The following MORC2 variants were observed in gnomAD, a reference collection of about 807,000 sequenced individuals.
MORC2 encodes the protein ATPase MORC2.
Under a neutral mutation model 136.0 loss-of-function variants are expected in MORC2, and 30 were observed. The observed-to-expected ratio is 0.22, with a 90% confidence interval of 0.17 to 0.30. MORC2 has a LOEUF of 0.30. Among genes scored for constraint, MORC2 ranks in the 10% least tolerant of loss-of-function variants. MORC2 has a pLI of 1.00. For missense variants in MORC2, 922 were observed against 1,333.1 expected (o/e 0.69, Z 4.80); for synonymous variants, 439 against 487.0 (o/e 0.90, Z 1.30).
At chr22:30,954,187 C>T (rs757226548) in intron 3 of MORC2, among the ~76,000 whole-genome samples, 6 of 151,988 alleles carry the variant, frequency 3.9e-5, no homozygotes, top group South Asian at 2.1e-4. Context: ...CTCAGCTGCT[C>T]GGGAGGCTGA....
At chr22:30,967,285 C>A in intron 1 of MORC2, 1 of 986,332 alleles carries the variant, frequency 1.0e-6, no homozygotes, top group Non-Finnish European at 1.2e-6. Context: ...AACAAGTTGC[C>A]GTTTCCTGTT....
chr22:30,942,186 A>G lies in MORC2; in HGVS notation c.512T>C (p.Leu171Pro). ...NVEKFAIETELIYKYSPFRTE... is the reference protein window; with the variant it reads ...NVEKFAIETEPIYKYSPFRTE... ...GCGGAATGGAGAGTACTTATAGATGAGTTCTGTCTCAATGGCAAATTTCTC... is the reference window on the plus strand; with the variant it reads ...GCGGAATGGAGAGTACTTATAGATGGGTTCTGTCTCAATGGCAAATTTCTC... Residue 171 changes from leucine (L) to proline (P), a missense_variant, in exon 7 of 26, where the codon CTC becomes CCC. Around this residue, in one of 9 missense-constraint regions of MORC2, gnomAD observed 261 missense variants for 354.3 expected, o/e 0.74. Coordinates refer to ENST00000397641, the MANE Select transcript of MORC2 (RefSeq NM_001303256.3). 1 of 1,614,152 alleles carries G rather than the reference A, an allele frequency of 6.2e-7. No homozygotes were observed. The highest frequency in any genetic ancestry group is 8.5e-7 in the Non-Finnish European group (1 of 1,179,988).
At chr22:30,936,188 T>C (rs1319918153) in intron 17 of MORC2, among the ~76,000 whole-genome samples, 2 of 152,166 alleles carry the variant, frequency 1.3e-5, no homozygotes, top group Non-Finnish European at 2.9e-5. Context: ...TCATGACAAG[T>C]TGGAAGGATG....
At chr22:30,928,304 A>C in intron 24 of MORC2, 97 bp from the exon 25 acceptor site, 1 of 1,210,142 alleles carries the variant, frequency 8.3e-7, no homozygotes, top group Non-Finnish European at 1.2e-6. Flanking sequence ...GCTTTACCCA[A>C]GGATGCCTGG....
rs568871593 is a variant in MORC2, at chr22:30,933,450, C to G, written c.2380+16G>C. The G allele has an allele frequency of 2.5e-6, 4 of 1,613,436 alleles. No individual in the cohort carries two copies. In the Admixed American group the frequency reaches 6.7e-5, roughly 27 times the overall value. On this transcript the variant is annotated intron_variant, in intron 21 of 25. Transcript: ENST00000397641. Reference sequence around the variant, plus strand: ...CCACCCCCGCCACAGGCTGCCAAGTCACTCCCCCAGCTCACCTTTCTGAGC... The same window carrying G: ...CCACCCCCGCCACAGGCTGCCAAGTGACTCCCCCAGCTCACCTTTCTGAGC...
intron 2 of MORC2, among the ~76,000 whole-genome samples, chr22:30,957,138 C>T (rs1269888282): frequency 6.6e-6 from 1 of 152,088 alleles, no homozygotes; most frequent in Non-Finnish European, 1.5e-5. Context: ...ATGTTTTTCT[C>T]ACTCATTTGA....
Position 30,968,594 on chromosome 22 carries a change from G to T in MORC2, c.-705C>A, listed in dbSNP as rs4820920. 7.2e-5 allele frequency among the ~76,000 whole-genome samples: 11 copies of T among 151,986 alleles called. No individual in the cohort carries two copies. Among genetic ancestry groups the T allele is most frequent in the Non-Finnish European group, 1.5e-4 (10 of 67,998 alleles). ...ACAAATGACCCGCCCACAGCACCTC[G>T]GGCAGGCCGCGCCCCGCCCCCACGT... On this transcript the variant is annotated 5_prime_UTR_variant, in exon 1 of 26. Transcript: ENST00000397641.
chr22:30,959,298 C>T (rs917217048), intron 1 of MORC2, among the ~76,000 whole-genome samples: 1 of 152,170 alleles, frequency 6.6e-6, no homozygotes, highest in Non-Finnish European at 1.5e-5. Context: ...TAGGCAACCA[C>T]ACCAAGCAAG....
intron 4 of MORC2, 30 bp downstream of exon 4, chr22:30,950,340 CCCCCCCA>C: frequency 1.0e-4 from 45 of 431,906 alleles, no homozygotes; most frequent in Non-Finnish European, 1.7e-4. Flanking sequence ...TTACATCGCA[CCCCCCCA>C]CCCCCCAAAA....
intron 6 of MORC2, among the ~76,000 whole-genome samples, chr22:30,945,848 C>G (rs550118929): frequency 6.6e-6 from 1 of 152,322 alleles, no homozygotes; most frequent in East Asian, 1.9e-4. Flanking sequence ...TGCTTTACTA[C>G]CTGCCCAGGC....
intron 3 of MORC2, among the ~76,000 whole-genome samples, chr22:30,955,330 T>A (rs139350574): frequency 6.6e-6 from 1 of 152,288 alleles, no homozygotes; most frequent in Admixed American, 6.5e-5. Flanking sequence ...TACTTTCTTC[T>A]AGAGAGAAAA....
rs769699735 is a variant in MORC2 at position 30,935,089 on chromosome 22, G to C, written c.1885C>G (p.Pro629Ala). The change falls in exon 19 of 26, where the codon CCC (proline) becomes GCC (alanine). Residue 629 changes from proline to alanine, a missense_variant. Around this residue, in one of 9 missense-constraint regions of MORC2, gnomAD observed 184 missense variants for 180.3 expected, o/e 1.02. Transcript: ENST00000397641. The part of the protein sequence containing the change: ...PAVIRNAPSR[P>A]PSLPTPRPAS... The stretch of plus-strand genomic sequence containing the variant: ...GGTCTAGGAGTTGGCAAAGAAGGGG[G>C]TCTGCTGGGGGCGTTCCTGATCACA... 3 of 1,613,862 alleles carry C rather than the reference G, an allele frequency of 1.9e-6. No homozygotes were observed. Among genetic ancestry groups the C allele is most frequent in the Admixed American group, 3.3e-5 (2 of 60,004 alleles).
chr22:30,950,022 C>T (rs2147285315), intron 4 of MORC2, among the ~76,000 whole-genome samples, 180 bp from the exon 5 acceptor site: 1 of 152,308 alleles, frequency 6.6e-6, no homozygotes, highest in African/African-American at 2.4e-5. Context: ...CCTGTTGGTA[C>T]CTCTATCACT....
intron 5 of MORC2, among the ~76,000 whole-genome samples, chr22:30,948,375 A>G (rs2038877797): frequency 6.6e-6 from 1 of 152,254 alleles, no homozygotes; most frequent in South Asian, 2.1e-4. Flanking sequence ...CATTAGAATC[A>G]TATGATTACA....
At chr22:30,930,501 A>G (rs1054541412) in intron 24 of MORC2, among the ~76,000 whole-genome samples, 1 of 152,218 alleles carries the variant, frequency 6.6e-6, no homozygotes, top group Non-Finnish European at 1.5e-5. Context: ...GCAAGTCCTA[A>G]GAAGTACATG....
chr22:30,937,499 A>G lies in MORC2; in HGVS notation c.1498+84T>C. The G allele has an allele frequency of 6.4e-7, 1 of 1,556,390 alleles. No individual in the cohort carries two copies. On this transcript the variant is annotated intron_variant, in intron 15 of 25. Transcript: ENST00000397641. This position sits in a 1 kb window ranked among gnomAD's most constrained non-coding sequence, Gnocchi z 4.7. ...ACTGTAAGTCCATGAATGTCAGTCA[A>G]GTTAGGAGGCTGGCAGGAAGATAGA... is the stretch of plus-strand genomic sequence containing the variant.
chr22:30,946,728 C>T (rs1027323743), intron 5 of MORC2, among the ~76,000 whole-genome samples: 4 of 152,002 alleles, frequency 2.6e-5, no homozygotes, highest in Non-Finnish European at 4.4e-5. Flanking sequence ...CCTTCTAGGG[C>T]GGGCTCACGG....
intron 1 of MORC2, among the ~76,000 whole-genome samples, chr22:30,960,831 C>CAAA (rs997909036): frequency 5.5e-5 from 8 of 146,466 alleles, no homozygotes; most frequent in Non-Finnish European, 9.0e-5. Flanking sequence ...AAAAAAAGTC[C>CAAA]ATAAAACAGC....
intron 1 of MORC2, among the ~76,000 whole-genome samples, chr22:30,961,904 C>T (rs1166915288): frequency 6.6e-6 from 1 of 152,038 alleles, no homozygotes; most frequent in Non-Finnish European, 1.5e-5. Flanking sequence ...CCACACAGTG[C>T]TTAGAAATGT....
Sources: allele counts gnomAD v4.1 joint callset (sites outside exome capture counted in the v4.1 genomes callset), GRCh38; gene constraint gnomAD v4.1.1; regional missense constraint gnomAD v4.1.1; non-coding constraint Gnocchi (gnomAD v3.1); transcripts MANE v1.5; gene names NCBI Gene and HGNC (gene_info 2026-07-23, HGNC 2026-07-21).